Variants in MMP26 observed in about 807,000 individuals in gnomAD.
MMP26 encodes the protein matrix metalloproteinase-26.
In MMP26, 33 loss-of-function variants were observed where a neutral mutation model predicts 31.0. The ratio of observed to expected loss-of-function variants is 1.06; its 90% CI spans 0.81 to 1.42. The LOEUF is 1.42. MMP26 is among the 40% of genes most tolerant of loss of function. The probability of loss-of-function intolerance (pLI) is 0.00; values close to 1 mark genes in which losing one functional copy is unlikely to be tolerated. For synonymous variants in MMP26, 122 were observed against 114.9 expected (o/e 1.06, Z -0.40); for missense variants, 347 against 316.1 (o/e 1.10, Z -0.74).
At chr11:4,816,020 C>A (rs960608878) in intron 2 of MMP26, among the ~76,000 whole-genome samples, 1 of 152,186 alleles carries the variant, frequency 6.6e-6, no homozygotes, top group Non-Finnish European at 1.5e-5. Flanking sequence ...TTGCTATAAA[C>A]GTCCCTCCCA....
Position 4,948,717 on chromosome 11 carries a change from T to C in MMP26, c.-144-39351T>C, listed in dbSNP as rs1846343960. 1.6e-5 allele frequency among the ~76,000 whole-genome samples: 2 copies of C among 124,058 alleles called. 1 individual carries two copies. Among genetic ancestry groups the C allele is most frequent in the African/African-American group, 5.5e-5 (2 of 36,640 alleles). The allele number at this position is 124,058 out of a possible 152,430, so 81.4% of individuals were successfully genotyped here. A position where few individuals can be genotyped will look rare whatever the true frequency, so the allele number is the denominator to read the frequency against. On this transcript the variant is annotated intron_variant, in intron 2 of 7. Coordinates refer to ENST00000380390, the MANE Select transcript of MMP26 (RefSeq NM_021801.5). ...ACTCACCTCTATTAGTAAATAGTCA[T>C]TGGAAGGATTTCAATATTTACTTGA... is the stretch of plus-strand genomic sequence containing the variant.
intron 2 of MMP26, among the ~76,000 whole-genome samples, chr11:4,965,635 A>T (rs1846582527): frequency 6.6e-6 from 1 of 152,204 alleles, no homozygotes; most frequent in African/African-American, 2.4e-5. Context: ...ATGGAAAAGT[A>T]TGCATTGCTT....
At chr11:4,910,788 A>C (rs978575184) in intron 2 of MMP26, among the ~76,000 whole-genome samples, 1 of 152,126 alleles carries the variant, frequency 6.6e-6, no homozygotes, top group East Asian at 1.9e-4. Flanking sequence ...GGCCCAATAA[A>C]TATCTATTGG....
chr11:4,963,009 T>C (rs2133622867), intron 2 of MMP26, among the ~76,000 whole-genome samples: 1 of 152,336 alleles, frequency 6.6e-6, no homozygotes, highest in African/African-American at 2.4e-5. Context: ...TCATCCTGCC[T>C]AACAGATGCT....
intron 2 of MMP26, among the ~76,000 whole-genome samples, chr11:4,886,003 C>A (rs1240063917): frequency 6.6e-6 from 1 of 152,068 alleles, no homozygotes; most frequent in Non-Finnish European, 1.5e-5. Context: ...TAACAACCAA[C>A]ACAGGGTTTA....
rs1846985095 is a variant in MMP26 at position 4,990,666 on chromosome 11, T to C, written c.389T>C (p.Ile130Thr). 2 of 1,614,028 alleles carry C rather than the reference T, an allele frequency of 1.2e-6. No homozygotes were observed. Among genetic ancestry groups the C allele is most frequent in the African/African-American group, 1.3e-5 (1 of 74,942 alleles). Residue 130 changes from isoleucine (I) to threonine (T), a missense_variant, in exon 5 of 8, where the codon ATC (isoleucine) becomes ACC (threonine). Transcript: ENST00000380390. Reference sequence around the variant, plus strand: ...GACAGTATATATAATGCAGTTTCCATCTGGAGCAATGTGACCCCTTTGATA... The same window carrying C: ...GACAGTATATATAATGCAGTTTCCACCTGGAGCAATGTGACCCCTTTGATA... ...VKDSIYNAVS[I>T]WSNVTPLIFQ... is the part of the protein sequence containing the mutation.
intron 1 of MMP26, among the ~76,000 whole-genome samples, chr11:4,730,404 A>AGGAGAGAG: frequency 6.9e-6 from 1 of 145,048 alleles, no homozygotes; most frequent in African/African-American, 2.6e-5. Context: ...GTTTCTGGGA[A>AGGAGAGAG]AGAGAGAGAG....
chr11:4,872,037 G>T (rs990896996), intron 2 of MMP26, among the ~76,000 whole-genome samples: 1 of 152,054 alleles, frequency 6.6e-6, no homozygotes, highest in Non-Finnish European at 1.5e-5. Context: ...TCTGGTACAA[G>T]TTAACTTCTC....
At chr11:4,934,980 C>T (rs1020742655) in intron 2 of MMP26, among the ~76,000 whole-genome samples, 15 of 151,688 alleles carry the variant, frequency 9.9e-5, no homozygotes, top group Admixed American at 3.9e-4. Flanking sequence ...TTACTGTAGC[C>T]TTGTAGTATA....
At chr11:4,908,490 A>G (rs1850942287) in intron 2 of MMP26, 2 of 626,118 alleles carry the variant, frequency 3.2e-6, no homozygotes, top group Admixed American at 2.8e-5. Flanking sequence ...AAGTCAAGAG[A>G]TATATAAGAT....
At chr11:4,907,911 A>G (rs759655996) in intron 2 of MMP26, 4 of 1,614,002 alleles carry the variant, frequency 2.5e-6, no homozygotes, top group Non-Finnish European at 3.4e-6. Context: ...TACTGTCTTC[A>G]TCAGGATACC....
intron 2 of MMP26, chr11:4,913,509 C>CA (rs1851024164): frequency 6.6e-6 from 1 of 152,166 alleles, no homozygotes; most frequent in Non-Finnish European, 1.5e-5. Context: ...GCCCAAACTG[C>CA]AAATACTATA....
chr11:4,771,981 G>A (rs1848729514), intron 2 of MMP26, among the ~76,000 whole-genome samples: 1 of 152,128 alleles, frequency 6.6e-6, no homozygotes, highest in Non-Finnish European at 1.5e-5. Flanking sequence ...AGCTTTACGT[G>A]GAAAGAGGAA....
At chr11:4,891,266 T>C (rs1390515655) in intron 2 of MMP26, among the ~76,000 whole-genome samples, 1 of 152,090 alleles carries the variant, frequency 6.6e-6, no homozygotes, top group Non-Finnish European at 1.5e-5. Context: ...GGTTGGGCTC[T>C]GGGGAGGCCT....
At chr11:4,853,953 G>A (rs958117168) in intron 2 of MMP26, among the ~76,000 whole-genome samples, 25 of 152,252 alleles carry the variant, frequency 1.6e-4, no homozygotes, top group Admixed American at 4.6e-4. Context: ...GAATTTATGC[G>A]TAAGTGCAGA....
chr11:4,799,052 A>G (rs5005346), intron 2 of MMP26, among the ~76,000 whole-genome samples: 151,945 of 152,264 alleles, frequency 1, 75,823 homozygotes, highest in Middle Eastern at 1. Flanking sequence ...TGAGGGAAGA[A>G]AGGCACCGTG....
At position 4,705,044 on chromosome 11, in the gene MMP26, A is replaced by T. The variant is rs1381441004; in HGVS notation, c.-218A>T. On this transcript the variant is annotated splice_region_variant and 5_prime_UTR_variant, in exon 1 of 8. The change creates a new upstream start codon in the 5' untranslated region. Coordinates refer to ENST00000380390, the MANE Select transcript of MMP26 (RefSeq NM_021801.5). Reference sequence around the variant, plus strand: ...TCCAGACCCAAGAATTCTGTGCACAAGGTCAGTGTTGTAGTGCATTGAAGA... The same window carrying T: ...TCCAGACCCAAGAATTCTGTGCACATGGTCAGTGTTGTAGTGCATTGAAGA... The T allele has an allele frequency of 6.6e-6, 1 of 152,208 alleles. No individual in the cohort carries two copies. Among genetic ancestry groups the T allele is most frequent in the Non-Finnish European group, 1.5e-5 (1 of 68,044 alleles). 9.4% of individuals were successfully genotyped at this position (152,208 alleles called of 1,614,324 possible). A position where few individuals can be genotyped will look rare whatever the true frequency, so the allele number is the denominator to read the frequency against.
intron 3 of MMP26, among the ~76,000 whole-genome samples, chr11:4,988,813 T>C (rs1441608333): frequency 6.6e-6 from 1 of 152,254 alleles, no homozygotes; most frequent in Non-Finnish European, 1.5e-5. Flanking sequence ...TGCAGTCATG[T>C]ATTTTGTAAT....
chr11:4,776,872 T>C (rs1848796885), intron 2 of MMP26, among the ~76,000 whole-genome samples: 1 of 152,188 alleles, frequency 6.6e-6, no homozygotes, highest in Non-Finnish European at 1.5e-5. Flanking sequence ...CTCTTTTCTT[T>C]ATAAATTACC....
Sources: allele counts gnomAD v4.1 joint callset (sites outside exome capture counted in the v4.1 genomes callset), GRCh38; gene constraint gnomAD v4.1.1; transcripts MANE v1.5; gene names NCBI Gene and HGNC (gene_info 2026-07-23, HGNC 2026-07-21).